The following ROBO1 variants were observed in gnomAD, a reference collection of about 807,000 sequenced individuals.
ROBO1 encodes roundabout guidance receptor 1.
ROBO1 carries 149 observed loss-of-function variants against 195.9 expected under a neutral mutation model. The observed-to-expected ratio is 0.76, with a 90% CI of 0.67 to 0.87. ROBO1 has a LOEUF of 0.87. ROBO1 is among the 40% of genes least tolerant of loss of function. The probability of loss-of-function intolerance (pLI) is 0.00; values close to 1 mark genes in which losing one functional copy is unlikely to be tolerated. For missense variants in ROBO1, 1,933 were observed against 2,068.3 expected (o/e 0.93, Z 1.27); for synonymous variants, 816 against 733.2 (o/e 1.11, Z -1.82).
chr3:79,483,807 T>C (rs1938997033), intron 2 of ROBO1, among the ~76,000 whole-genome samples: 1 of 152,032 alleles, frequency 6.6e-6, no homozygotes, highest in African/African-American at 2.4e-5. Flanking sequence ...CAATCATGGA[T>C]CTGGGACGGG....
At chr3:78,709,196 A>G (rs1192575181) in intron 8 of ROBO1, among the ~76,000 whole-genome samples, 2 of 152,192 alleles carry the variant, frequency 1.3e-5, no homozygotes, top group African/African-American at 4.8e-5. Context: ...CTCAAAGTTA[A>G]GCAGAAACAC....
chr3:78,727,408 C>A (rs1181434665), intron 5 of ROBO1, among the ~76,000 whole-genome samples: 1 of 152,076 alleles, frequency 6.6e-6, no homozygotes, highest in African/African-American at 2.4e-5. Flanking sequence ...GGGCGGATCA[C>A]AAGGTCAGGA....
chr3:79,045,656 T>TA (rs1334517958), intron 3 of ROBO1, among the ~76,000 whole-genome samples: 2 of 152,068 alleles, frequency 1.3e-5, no homozygotes, highest in South Asian at 2.1e-4. Context: ...TATTGTGCAT[T>TA]AAAAAAATCC....
intron 2 of ROBO1, among the ~76,000 whole-genome samples, chr3:79,148,348 G>A (rs1293633252): frequency 6.6e-6 from 1 of 151,818 alleles, no homozygotes; most frequent in Non-Finnish European, 1.5e-5. Flanking sequence ...AAAAATTAAA[G>A]GAGCTGGGAG....
chr3:79,019,459 T>C (rs1020481247), intron 3 of ROBO1: 3 of 986,060 alleles, frequency 3.0e-6, no homozygotes, highest in Non-Finnish European at 1.2e-6. Flanking sequence ...CCAGCTCAAT[T>C]GCTTGTGGGT....
At chr3:79,034,344 T>C (rs912836709) in intron 3 of ROBO1, among the ~76,000 whole-genome samples, 12 of 152,170 alleles carry the variant, frequency 7.9e-5, no homozygotes, top group Admixed American at 5.2e-4. Context: ...GAAAAACGTC[T>C]CCACATTTAC....
intron 2 of ROBO1, among the ~76,000 whole-genome samples, chr3:79,218,148 A>T (rs1422701031): frequency 1.3e-5 from 2 of 152,010 alleles, no homozygotes; most frequent in Non-Finnish European, 2.9e-5. Flanking sequence ...AGTGAATGTA[A>T]ACTGGCATCT....
intron 2 of ROBO1, among the ~76,000 whole-genome samples, chr3:79,552,418 C>T (rs1408654849): frequency 6.6e-6 from 1 of 151,942 alleles, no homozygotes; most frequent in Non-Finnish European, 1.5e-5. Context: ...CATCTCATTA[C>T]TCTCATGTCA....
At chr3:79,079,980 C>T (rs910116412) in intron 3 of ROBO1, among the ~76,000 whole-genome samples, 2 of 151,394 alleles carry the variant, frequency 1.3e-5, no homozygotes, top group Non-Finnish European at 3.0e-5. Context: ...AACAAAGCTT[C>T]AGATGATGAT....
intron 4 of ROBO1, among the ~76,000 whole-genome samples, chr3:78,839,237 T>C (rs953725991): frequency 1.2e-4 from 18 of 152,088 alleles, no homozygotes; most frequent in African/African-American, 4.1e-4. Context: ...TCCTAAGTTA[T>C]TTTTTTAAAA....
chr3:79,589,965 G>C lies in ROBO1; in HGVS notation c.-50-4C>G. On this transcript the variant is annotated splice_region_variant and splice_polypyrimidine_tract_variant and intron_variant, in intron 1 of 30. Coordinates refer to ENST00000464233, the MANE Select transcript of ROBO1 (RefSeq NM_002941.4). ...CCAGTGACAGACAATGTGTTATCTG[G>C]GGAGATTAAAAAAATATTATTTTGT... is the stretch of plus-strand genomic sequence containing the variant. 1 of 1,231,838 alleles carries C rather than the reference G, an allele frequency of 8.1e-7. No individual in the cohort carries two copies. 76.3% of individuals were successfully genotyped at this position (1,231,838 alleles called of 1,614,324 possible).
intron 1 of ROBO1, among the ~76,000 whole-genome samples, chr3:79,736,368 T>G (rs2107389489): frequency 6.6e-6 from 1 of 152,332 alleles, no homozygotes; most frequent in South Asian, 2.1e-4. Context: ...GTTTGCATCT[T>G]AATTGCAAAG....
chr3:78,844,679 TATAAC>T (rs1334260864), intron 4 of ROBO1, among the ~76,000 whole-genome samples: 1 of 152,062 alleles, frequency 6.6e-6, no homozygotes, highest in African/African-American at 2.4e-5. Flanking sequence ...TAAACATAAA[TATAAC>T]AAAATACAAG....
intron 1 of ROBO1, among the ~76,000 whole-genome samples, chr3:79,633,157 T>A (rs898738705): frequency 6.7e-6 from 1 of 148,624 alleles, no homozygotes; most frequent in African/African-American, 2.5e-5. Flanking sequence ...AAGGGTTTGA[T>A]TTTTACATAT....
In ROBO1 at chr3:79,502,378, T is replaced by A. The variant is rs547405846; in HGVS notation, c.88+87446A>T. On this transcript the variant is annotated intron_variant, in intron 2 of 30. Transcript: ENST00000464233. ...ATGGCTGTCCCCGCCGCCCGGGCAGTGAGGGGCTTAGCACCTGGGCCAGCA... is the reference window on the plus strand; with the variant it reads ...ATGGCTGTCCCCGCCGCCCGGGCAGAGAGGGGCTTAGCACCTGGGCCAGCA... 2.0e-3 allele frequency among the ~76,000 whole-genome samples: 311 copies of A among 152,236 alleles called. 2 individuals are homozygous for A. Among genetic ancestry groups the A allele is most frequent in the African/African-American group, 6.2e-3 (258 of 41,556 alleles).
At chr3:78,714,365 A>C (rs746472109) in intron 8 of ROBO1, 32 bp downstream of exon 8, 14 of 1,598,358 alleles carry the variant, frequency 8.8e-6, no homozygotes, top group Non-Finnish European at 1.1e-5. Flanking sequence ...GTATGCTAAA[A>C]CCACCAAAAC....
At chr3:79,013,411 T>C (rs191084688) in intron 3 of ROBO1, among the ~76,000 whole-genome samples, 405 of 152,294 alleles carry the variant, frequency 2.7e-3, no homozygotes, top group African/African-American at 9.4e-3. Flanking sequence ...ACTGGTTAGA[T>C]GATGTAAAGA....
chr3:78,976,667 A>G (rs754316459), intron 3 of ROBO1, among the ~76,000 whole-genome samples: 1 of 152,108 alleles, frequency 6.6e-6, no homozygotes, highest in Non-Finnish European at 1.5e-5. Flanking sequence ...CTGATTCTGT[A>G]TTTTCATCAG....
chr3:79,227,324 A>C (rs1383569478), intron 2 of ROBO1, among the ~76,000 whole-genome samples: 1 of 152,122 alleles, frequency 6.6e-6, no homozygotes, highest in Non-Finnish European at 1.5e-5. Flanking sequence ...CACTTGCTCT[A>C]CGGTCTTCCT....
Sources: allele counts gnomAD v4.1 joint callset (sites outside exome capture counted in the v4.1 genomes callset), GRCh38; gene constraint gnomAD v4.1.1; transcripts MANE v1.5; gene names NCBI Gene and HGNC (gene_info 2026-07-23, HGNC 2026-07-21).